RFX3: variants seen among roughly 807,000 people sequenced by gnomAD.
The protein encoded by RFX3 is transcription factor RFX3.
In RFX3, 14 loss-of-function variants were observed where a neutral mutation model predicts 98.6. The observed-to-expected ratio is 0.14, with a 90% CI of 0.09 to 0.22. The LOEUF (loss-of-function observed/expected upper bound fraction) is 0.22, where lower values mean the gene tolerates loss of function less well. Ranked by LOEUF, RFX3 falls within the 10% of genes least tolerant of loss-of-function variation. RFX3 has a pLI of 1.00. For missense variants in RFX3, 639 were observed against 926.9 expected (o/e 0.69, Z 4.03); for synonymous variants, 383 against 328.4 (o/e 1.17, Z -1.80).
intron 1 of RFX3, among the ~76,000 whole-genome samples, chr9:3,423,918 CG>C (rs1192252114): frequency 6.6e-6 from 1 of 150,902 alleles, no homozygotes; most frequent in Non-Finnish European, 1.5e-5. Flanking sequence ...GAGGCCGAGG[CG>C]GGGGGACCAC....
At chr9:3,245,776 A>G (rs1198360047) in intron 15 of RFX3, among the ~76,000 whole-genome samples, 1 of 152,002 alleles carries the variant, frequency 6.6e-6, no homozygotes, top group Non-Finnish European at 1.5e-5. Flanking sequence ...ATTATTCCAA[A>G]CCATTTGCTG....
At chr9:3,392,044 T>TA (rs1174689331) in intron 2 of RFX3, among the ~76,000 whole-genome samples, 1 of 152,096 alleles carries the variant, frequency 6.6e-6, no homozygotes, top group Admixed American at 6.6e-5. Flanking sequence ...CAAGTCTTCT[T>TA]AAAAAAATTG....
At chr9:3,509,722 G>GA (rs1212195170) in intron 1 of RFX3, among the ~76,000 whole-genome samples, 3 of 151,662 alleles carry the variant, frequency 2.0e-5, no homozygotes, top group Non-Finnish European at 2.9e-5. Flanking sequence ...GCTTTTTCTA[G>GA]AAAAAAATAT....
At chr9:3,328,386 T>C (rs989274286) in intron 4 of RFX3, among the ~76,000 whole-genome samples, 6 of 152,158 alleles carry the variant, frequency 3.9e-5, no homozygotes, top group African/African-American at 1.4e-4. Flanking sequence ...AACTAGGAAA[T>C]CATTTAGTCT....
intron 1 of RFX3, among the ~76,000 whole-genome samples, chr9:3,507,912 G>C (rs1409093186): frequency 4.6e-5 from 7 of 151,698 alleles, no homozygotes; most frequent in African/African-American, 1.7e-4. Context: ...GGGAAGTACA[G>C]AGAAAAGTGG....
chr9:3,425,452 C>T (rs1212167175), intron 1 of RFX3, among the ~76,000 whole-genome samples: 3 of 152,150 alleles, frequency 2.0e-5, no homozygotes, highest in Non-Finnish European at 4.4e-5. Context: ...CCCACAGATT[C>T]AGCAAAACCT....
rs936330085 is a variant in RFX3 at position 3,245,561 on chromosome 9, T to C, written c.1968+2471A>G. On this transcript the variant is annotated intron_variant, in intron 15 of 16. Coordinates refer to ENST00000617270, the MANE Select transcript of RFX3 (RefSeq NM_001282116.2). ...GGATTTGAGAAACAGAACTTGGTAATTGGTTGTAGATGGGAGTCAAGATAG... is the reference window on the plus strand; with the variant it reads ...GGATTTGAGAAACAGAACTTGGTAACTGGTTGTAGATGGGAGTCAAGATAG... Among the ~76,000 whole-genome samples the C allele has an allele frequency of 4.6e-5, 7 of 152,190 alleles. No individual in the cohort carries two copies. In the East Asian group the frequency reaches 9.7e-4, roughly 21 times the overall value.
intron 2 of RFX3, chr9:3,395,005 A>G (rs1185961261): frequency 8.0e-6 from 2 of 249,342 alleles, no homozygotes; most frequent in African/African-American, 4.6e-5. Context: ...TTTATCAACC[A>G]CCTAATGCAA....
At chr9:3,291,347 G>A (rs1363960491) in intron 6 of RFX3, among the ~76,000 whole-genome samples, 2 of 151,940 alleles carry the variant, frequency 1.3e-5, no homozygotes, top group Non-Finnish European at 2.9e-5. Flanking sequence ...ACTCCAGCCT[G>A]GGCAACAGAG....
chr9:3,477,882 C>T (rs777563214), intron 1 of RFX3, among the ~76,000 whole-genome samples: 6 of 152,230 alleles, frequency 3.9e-5, no homozygotes, highest in Non-Finnish European at 5.9e-5. Context: ...GACCTAACTT[C>T]GAGTTAAAAG....
rs115702238 is a variant in RFX3, at chr9:3,461,030, A to T, written c.-9+64717T>A. Among the ~76,000 whole-genome samples, 1,377 of 151,490 alleles carry T rather than the reference A, an allele frequency of 9.1e-3. 28 individuals are homozygous for T. Among genetic ancestry groups the T allele is most frequent in the African/African-American group, 0.031 (1,302 of 41,438 alleles). On this transcript the variant is annotated intron_variant, in intron 1 of 16. Coordinates refer to ENST00000617270, the MANE Select transcript of RFX3 (RefSeq NM_001282116.2). ...AATCTGGTAGTTTTGGTACATTTTA[A>T]CATTCATCGCTGAGATTTACTATTT...
intron 1 of RFX3, among the ~76,000 whole-genome samples, chr9:3,468,816 A>G (rs898563062): frequency 8.1e-5 from 7 of 86,016 alleles, no homozygotes; most frequent in African/African-American, 2.5e-4. Context: ...TTTCCTTTTG[A>G]AAAAAAAAAA....
At chr9:3,368,256 G>A (rs898771944) in intron 2 of RFX3, among the ~76,000 whole-genome samples, 1 of 152,054 alleles carries the variant, frequency 6.6e-6, no homozygotes, top group Non-Finnish European at 1.5e-5. Flanking sequence ...AAGATATATT[G>A]AAAGAAAATT....
At chr9:3,240,170 C>T (rs1563784338) in intron 15 of RFX3, among the ~76,000 whole-genome samples, 1 of 152,202 alleles carries the variant, frequency 6.6e-6, no homozygotes, top group Non-Finnish European at 1.5e-5. Context: ...CAAATCCAAA[C>T]TCAGCCTTCC....
At chr9:3,441,799 A>T (rs149720592) in intron 1 of RFX3, among the ~76,000 whole-genome samples, 127 of 152,346 alleles carry the variant, frequency 8.3e-4, no homozygotes, top group African/African-American at 2.9e-3. Context: ...TCTAGGAGAT[A>T]GGACATAAAA....
At chr9:3,391,380 T>C (rs1840293325) in intron 2 of RFX3, among the ~76,000 whole-genome samples, 1 of 152,156 alleles carries the variant, frequency 6.6e-6, no homozygotes, top group Non-Finnish European at 1.5e-5. Context: ...TAAATAAGTC[T>C]GGGAGGACAA....
intron 5 of RFX3, among the ~76,000 whole-genome samples, chr9:3,300,690 A>G (rs1175595177): frequency 2.6e-5 from 4 of 151,880 alleles, no homozygotes; most frequent in African/African-American, 7.2e-5. Flanking sequence ...CTAAAATGTC[A>G]CTAATGTTAA....
chr9:3,315,984 C>A (rs1830537174), intron 4 of RFX3, among the ~76,000 whole-genome samples: 1 of 152,070 alleles, frequency 6.6e-6, no homozygotes, highest in African/African-American at 2.4e-5. Context: ...GAAACTATTC[C>A]AATCAATAGA....
At chr9:3,397,652 T>C (rs1160804309) in intron 1 of RFX3, among the ~76,000 whole-genome samples, 1 of 152,204 alleles carries the variant, frequency 6.6e-6, no homozygotes. Flanking sequence ...TTTGACTCTG[T>C]GCTTAATTTT....
Sources: allele counts gnomAD v4.1 joint callset (sites outside exome capture counted in the v4.1 genomes callset), GRCh38; gene constraint gnomAD v4.1.1; transcripts MANE v1.5; gene names NCBI Gene and HGNC (gene_info 2026-07-23, HGNC 2026-07-21).